TMEM204: variants seen among roughly 807,000 people sequenced by gnomAD.
The protein encoded by TMEM204 is claudin-like protein 24.
A neutral mutation model predicts 19.4 loss-of-function variants in TMEM204; 15 were observed. That is an observed-to-expected ratio of 0.77 (90% confidence interval 0.52 to 1.19). The LOEUF is 1.19. TMEM204 is among the 50% of genes most tolerant of loss of function. The pLI, the probability that TMEM204 is intolerant of heterozygous loss-of-function variation, is 0.00. For synonymous variants in TMEM204, 161 were observed against 146.0 expected (o/e 1.10, Z -0.74); for missense variants, 287 against 321.2 (o/e 0.89, Z 0.81).
chr16:1,535,228 G>C (rs1017893466), intron 1 of TMEM204, among the ~76,000 whole-genome samples: 1 of 152,148 alleles, frequency 6.6e-6, no homozygotes, highest in African/African-American at 2.4e-5. Flanking sequence ...AGGGAGGCCA[G>C]GACGCTCGGA....
intron 2 of TMEM204, among the ~76,000 whole-genome samples, chr16:1,549,966 TTTTTTC>T (rs1223240999): frequency 6.6e-6 from 1 of 152,184 alleles, no homozygotes; most frequent in African/African-American, 2.4e-5. Flanking sequence ...TTCTGAGTCT[TTTTTTC>T]TTTTTCTTCT....
chr16:1,534,294 G>T lies in TMEM204; in HGVS notation c.19G>T (p.Val7Leu), dbSNP rs761624608. The T allele has an allele frequency of 6.2e-7, 1 of 1,612,306 alleles. No individual in the cohort carries two copies. The highest frequency in any genetic ancestry group is 8.5e-7 in the Non-Finnish European group (1 of 1,179,836). MTVQRL[V>L]AAAVLVALVS... ...GTCAGCGATGACCGTGCAGAGACTC[G>T]TGGCCGCGGCCGTGCTGGTGGCCCT... The change falls in exon 1 of 3, where the codon GTG (valine) becomes TTG (leucine). Residue 7 changes from valine (V) to leucine (L), a missense_variant. Coordinates refer to ENST00000566264, the MANE Select transcript of TMEM204 (RefSeq NM_024600.6).
At chr16:1,540,951 G>C (rs2031575242) in intron 1 of TMEM204, 1 of 985,256 alleles carries the variant, frequency 1.0e-6, no homozygotes, top group Non-Finnish European at 1.2e-6. Context: ...AGCGTGCAGG[G>C]GCCTGGGAAC....
chr16:1,534,512 C>A lies in TMEM204; in HGVS notation c.237C>A (p.Gly79=). ...ATGACTGTGAGGCGCTGGGCTGGGGCTCCGAGGCAGCCGGCTTCCAGGAGT... is the reference window on the plus strand; with the variant it reads ...ATGACTGTGAGGCGCTGGGCTGGGGATCCGAGGCAGCCGGCTTCCAGGAGT... ...DAHDCEALGW[G]SEAAGFQESR... is the part of the protein sequence containing the mutation. Residue 79 remains glycine (G), a synonymous_variant, in exon 1 of 3, where the codon GGC becomes GGA. Coordinates refer to ENST00000566264, the MANE Select transcript of TMEM204 (RefSeq NM_024600.6). 1 of 1,607,814 alleles carries A rather than the reference C, an allele frequency of 6.2e-7. No individual in the cohort carries two copies. Among genetic ancestry groups the A allele is most frequent in the Admixed American group, 1.7e-5 (1 of 60,024 alleles).
intron 2 of TMEM204, among the ~76,000 whole-genome samples, chr16:1,546,561 C>G (rs545290381): frequency 2.9e-4 from 44 of 152,244 alleles, no homozygotes; most frequent in Non-Finnish European, 4.9e-4. Flanking sequence ...GGGTAACATG[C>G]ATGCTGAGAA....
chr16:1,550,654 T>C (rs1433094679), intron 2 of TMEM204, among the ~76,000 whole-genome samples: 1 of 152,228 alleles, frequency 6.6e-6, no homozygotes, highest in African/African-American at 2.4e-5. Flanking sequence ...CTACCCGCTC[T>C]GTGCTTTGCT....
At chr16:1,544,636 C>T (rs1184262693) in intron 2 of TMEM204, among the ~76,000 whole-genome samples, 1 of 151,808 alleles carries the variant, frequency 6.6e-6, no homozygotes, top group African/African-American at 2.4e-5. Flanking sequence ...AGCTGGATCA[C>T]TGCATTTCTT....
chr16:1,547,099 G>A (rs933452214), intron 2 of TMEM204, among the ~76,000 whole-genome samples: 1 of 152,140 alleles, frequency 6.6e-6, no homozygotes, highest in African/African-American at 2.4e-5. Flanking sequence ...AAGGCTTCTC[G>A]CCTGCTTCTT....
chr16:1,555,210 C>A lies in TMEM204; in HGVS notation c.*184C>A, dbSNP rs1032562755. 1.7e-5 allele frequency: 13 copies of A among 775,878 alleles called. 1 individual carries two copies. The East Asian group carries it at 3.3e-4, about 20-fold the overall frequency. 48.1% of individuals were successfully genotyped at this position (775,878 alleles called of 1,614,324 possible). A position where few individuals can be genotyped will look rare whatever the true frequency, so the allele number is the denominator to read the frequency against. ...CTGTTATGTCGGTCATATGTCTGTA[C>A]GTGTCGTGGGCCAACCTCGTTCTGC... is the stretch of plus-strand genomic sequence containing the variant. On this transcript the variant is annotated 3_prime_UTR_variant, in exon 3 of 3. Coordinates refer to ENST00000566264, the MANE Select transcript of TMEM204 (RefSeq NM_024600.6).
At chr16:1,536,000 C>T (rs938389873) in intron 1 of TMEM204, among the ~76,000 whole-genome samples, 25 of 152,248 alleles carry the variant, frequency 1.6e-4, no homozygotes, top group African/African-American at 6.0e-4. Context: ...CTGTGCTGAA[C>T]CTCTCGCGGG....
Position 1,542,015 on chromosome 16 carries a change from C to G in TMEM204, c.375C>G (p.Pro125=). The change falls in exon 2 of 3, where the codon CCC becomes CCG. Residue 125 remains proline, a synonymous_variant. Coordinates refer to ENST00000566264, the MANE Select transcript of TMEM204 (RefSeq NM_024600.6). ...LTFLLGLVGL[P]LLSPDAPCWE... ...TCCTCCTGGGGCTGGTGGGCCTGCC[C>G]CTGCTGTCACCCGACGCCCCGTGCT... is the stretch of plus-strand genomic sequence containing the variant. The G allele has an allele frequency of 6.2e-7, 1 of 1,611,478 alleles. No individual in the cohort carries two copies. Among genetic ancestry groups the G allele is most frequent in the South Asian group, 1.1e-5 (1 of 91,028 alleles).
At chr16:1,529,870 G>T (rs569578250), upstream of TMEM204, among the ~76,000 whole-genome samples, 5 of 152,292 alleles carry the variant, frequency 3.3e-5, no homozygotes, top group Middle Eastern at 0.014. Flanking sequence ...GTCAGCAAAT[G>T]ATGCACGTGG....
chr16:1,554,996 G>A lies in TMEM204; in HGVS notation c.651G>A (p.Leu217=). 6.2e-7 allele frequency: 1 copy of A among 1,613,146 alleles called. No individual in the cohort carries two copies. Among genetic ancestry groups the A allele is most frequent in the East Asian group, 2.2e-5 (1 of 44,874 alleles). ...TGACAGCGCGCTTTCGCCGTGGGCTGGACAATGACTACGTGGAGTCACCAT... is the reference window on the plus strand; with the variant it reads ...TGACAGCGCGCTTTCGCCGTGGGCTAGACAATGACTACGTGGAGTCACCAT... ...RSLTARFRRG[L]DNDYVESPC The change falls in exon 3 of 3, where the codon CTG becomes CTA. Residue 217 remains leucine (L), a synonymous_variant. Transcript: ENST00000566264.
chr16:1,553,993 C>G lies in TMEM204; in HGVS notation c.437-789C>G, dbSNP rs748659287. Reference sequence around the variant, plus strand: ...CTAACTAGACGGGAACAAGCTGCGCCAACCAAGGGTTGCTCACGGCCCACC... The same window carrying G: ...CTAACTAGACGGGAACAAGCTGCGCGAACCAAGGGTTGCTCACGGCCCACC... On this transcript the variant is annotated intron_variant, in intron 2 of 2. Transcript: ENST00000566264. This position sits in a 1 kb window ranked among gnomAD's most constrained non-coding sequence, Gnocchi z 4.4. 3.1e-6 allele frequency: 4 copies of G among 1,287,236 alleles called. No individual in the cohort carries two copies. In the South Asian group the frequency reaches 4.9e-5, roughly 16 times the overall value. 79.7% of individuals were successfully genotyped at this position (1,287,236 alleles called of 1,614,324 possible).
chr16:1,541,953 G>A lies in TMEM204; in HGVS notation c.313G>A (p.Val105Met). ...CGACATGATGCGCGCCTGCAACCTG[G>A]TGGCCACGGCCGCGCTCACCGCAGG... Reference protein sequence around the residue: ...QFDMMRACNLVATAALTAGQL... With the variant: ...QFDMMRACNLMATAALTAGQL... Residue 105 changes from valine to methionine, a missense_variant, in exon 2 of 3, where the codon GTG (valine) becomes ATG (methionine). By Grantham distance (21) the Val-to-Met change is conservative (BLOSUM62 1). Coordinates refer to ENST00000566264, the MANE Select transcript of TMEM204 (RefSeq NM_024600.6). 1 of 1,608,808 alleles carries A rather than the reference G, an allele frequency of 6.2e-7. No homozygotes were observed. Among genetic ancestry groups the A allele is most frequent in the Non-Finnish European group, 8.5e-7 (1 of 1,178,564 alleles).
rs1203669113 is a variant in TMEM204, at chr16:1,550,932, G to A, written c.437-3850G>A. ...CTGTTGAGTACAGGGCCACGTAGCC[G>A]ATGCCAGTGGGTCCTTGGGAATCGT... On this transcript the variant is annotated intron_variant, in intron 2 of 2. Transcript: ENST00000566264. Among the ~76,000 whole-genome samples the A allele has an allele frequency of 2.6e-5, 4 of 152,212 alleles. No homozygotes were observed. The East Asian group carries it at 7.7e-4, about 29-fold the overall frequency.
At position 1,555,379 on chromosome 16, in the gene TMEM204, G is replaced by A. The variant is rs2033010519; in HGVS notation, c.*353G>A. 4.1e-6 allele frequency: 1 copy of A among 242,152 alleles called. No individual in the cohort carries two copies. Among genetic ancestry groups the A allele is most frequent in the African/African-American group, 2.3e-5 (1 of 44,372 alleles). 15.0% of individuals were successfully genotyped at this position (242,152 alleles called of 1,614,324 possible). The stretch of plus-strand genomic sequence containing the variant: ...GGGATTAATTTATTCTGCATCTGCT[G>A]AGAGGGGCACCCCAGCCATATCTTA... On this transcript the variant is annotated 3_prime_UTR_variant, in exon 3 of 3. Transcript: ENST00000566264.
intron 2 of TMEM204, among the ~76,000 whole-genome samples, chr16:1,547,063 G>A (rs2032236706): frequency 6.6e-6 from 1 of 152,246 alleles, no homozygotes; most frequent in South Asian, 2.1e-4. Flanking sequence ...CCTTGTTTTG[G>A]TGCCAGAGAG....
At chr16:1,540,063 C>CG (rs1024133056) in intron 1 of TMEM204, among the ~76,000 whole-genome samples, 2 of 152,154 alleles carry the variant, frequency 1.3e-5, no homozygotes, top group African/African-American at 4.8e-5. Flanking sequence ...GTGGGTAGGA[C>CG]GGCGGGGGGA....
Sources: gnomAD v4.1 joint callset for allele counts (sites outside exome capture counted in the v4.1 genomes callset) on GRCh38, gnomAD v4.1.1 for gene constraint, Gnocchi (gnomAD v3.1) non-coding constraint, MANE v1.5 for transcripts, NCBI Gene and HGNC (gene_info 2026-07-23, HGNC 2026-07-21) for gene names.